LHFPL2: variants seen among roughly 807,000 people sequenced by gnomAD.
LHFPL2 encodes LHFPL tetraspan subfamily member 2 protein.
Under a neutral mutation model 17.5 loss-of-function variants are expected in LHFPL2, and 7 were observed. The ratio of observed to expected loss-of-function variants is 0.40; its 90% CI spans 0.23 to 0.75. LHFPL2 has a LOEUF of 0.75. LHFPL2 is among the 30% of genes least tolerant of loss of function. The pLI, the probability that LHFPL2 is intolerant of heterozygous loss-of-function variation, is 0.37. For synonymous variants in LHFPL2, 134 were observed against 116.2 expected (o/e 1.15, Z -0.99); for missense variants, 241 against 294.8 (o/e 0.82, Z 1.34).
chr5:78,510,636 G>GGCGGCCAGTGAGA lies in LHFPL2; in HGVS notation c.-185-239_-185-238insTCTCACTGGCCGC, dbSNP rs1260221050. 1.7e-3 allele frequency among the ~76,000 whole-genome samples: 263 copies of GGCGGCCAGTGAGA among 152,252 alleles called. 2 individuals are homozygous for GGCGGCCAGTGAGA. Among genetic ancestry groups the GGCGGCCAGTGAGA allele is most frequent in the Non-Finnish European group, 2.8e-3 (188 of 68,002 alleles). On this transcript the variant is annotated intron_variant, in intron 3 of 4. Coordinates refer to ENST00000380345, the MANE Select transcript of LHFPL2 (RefSeq NM_005779.3). ...TTATCTCTAGGGAGCACCATGGAAG[G>GGCGGCCAGTGAGA]AGGCGGCCAGTGCCAGGTCCTGCTC...
chr5:78,519,328 A>G (rs1755380930), intron 3 of LHFPL2, among the ~76,000 whole-genome samples: 2 of 152,192 alleles, frequency 1.3e-5, no homozygotes, highest in African/African-American at 2.4e-5. Flanking sequence ...AGCCCTGATC[A>G]CTGCAGAGCA....
chr5:78,492,089 A>T (rs1754465558), intron 4 of LHFPL2, among the ~76,000 whole-genome samples: 1 of 152,170 alleles, frequency 6.6e-6, no homozygotes, highest in Admixed American at 6.5e-5. Flanking sequence ...GGATGTTAAT[A>T]GTCTTCTCCC....
chr5:78,533,875 C>T (rs151214546), intron 3 of LHFPL2, among the ~76,000 whole-genome samples: 9 of 152,310 alleles, frequency 5.9e-5, no homozygotes, highest in African/African-American at 2.2e-4. Flanking sequence ...TAAACCATTG[C>T]TCTAAGAAAG....
At position 78,589,358 on chromosome 5, in the gene LHFPL2, C is replaced by T. The variant is rs554468597; in HGVS notation, c.-244-24487G>A. ...TGGTGGCACGCGCCTGTAATTCCAG[C>T]TACTCGGGAGGCTAAGGAGGAGAAT... is the stretch of plus-strand genomic sequence containing the variant. On this transcript the variant is annotated intron_variant, in intron 2 of 4. Transcript: ENST00000380345. 2.6e-5 allele frequency among the ~76,000 whole-genome samples: 4 copies of T among 151,678 alleles called. No individual in the cohort carries two copies. In the East Asian group the frequency reaches 7.8e-4, roughly 29 times the overall value.
In LHFPL2 at chr5:78,642,319, G is replaced by T. The variant is rs573168406; in HGVS notation, c.-350+6180C>A. On this transcript the variant is annotated intron_variant, in intron 1 of 4. Transcript: ENST00000380345. ...CAAATATTCAGTCCTTAACAGACAC[G>T]TGTATGGTATCAATTTTGTCAGTTA... Among the ~76,000 whole-genome samples the T allele has an allele frequency of 1.6e-4, 24 of 152,252 alleles. No homozygotes were observed. In the South Asian group the frequency reaches 4.6e-3, roughly 29 times the overall value.
At chr5:78,544,598 CT>C (rs911450366) in intron 3 of LHFPL2, among the ~76,000 whole-genome samples, 2 of 152,202 alleles carry the variant, frequency 1.3e-5, no homozygotes, top group African/African-American at 4.8e-5. Flanking sequence ...TTGTCTGAAT[CT>C]TCAAGTAGCT....
intron 1 of LHFPL2, among the ~76,000 whole-genome samples, chr5:78,634,117 C>T (rs768476191): frequency 1.3e-5 from 2 of 152,188 alleles, no homozygotes; most frequent in Non-Finnish European, 2.9e-5. Context: ...TTACCCCTCC[C>T]CCCAAAAAAA....
intron 3 of LHFPL2, among the ~76,000 whole-genome samples, chr5:78,536,594 C>G (rs1755957198): frequency 1.3e-5 from 2 of 152,176 alleles, no homozygotes; most frequent in African/African-American, 4.8e-5. Flanking sequence ...ACATCTGGGC[C>G]ATTCTTCTGC....
In LHFPL2 at chr5:78,491,688, C is replaced by T. The variant is rs767289948; in HGVS notation, c.431-2535G>A. Among the ~76,000 whole-genome samples, 13 of 152,140 alleles carry T rather than the reference C, an allele frequency of 8.5e-5. No homozygotes were observed. In the East Asian group the frequency reaches 9.6e-4, roughly 11 times the overall value. ...CTGTATGAGCTGAGTGACCGACATA[C>T]GATTCCTCACCTGTAAAATGGACTA... On this transcript the variant is annotated intron_variant, in intron 4 of 4. Coordinates refer to ENST00000380345, the MANE Select transcript of LHFPL2 (RefSeq NM_005779.3).
At chr5:78,558,298 G>A (rs755738647) in intron 3 of LHFPL2, among the ~76,000 whole-genome samples, 1 of 152,206 alleles carries the variant, frequency 6.6e-6, no homozygotes, top group Non-Finnish European at 1.5e-5. Flanking sequence ...CCCAGTGTAC[G>A]CTCATTCATC....
chr5:78,556,628 A>G (rs1756578310), intron 3 of LHFPL2, among the ~76,000 whole-genome samples: 1 of 152,236 alleles, frequency 6.6e-6, no homozygotes, highest in Admixed American at 6.5e-5. Flanking sequence ...CTCAAATGTC[A>G]AAATTAGAAA....
chr5:78,610,653 A>G (rs1223758818), intron 2 of LHFPL2, among the ~76,000 whole-genome samples: 2 of 152,222 alleles, frequency 1.3e-5, no homozygotes, highest in Non-Finnish European at 2.9e-5. Context: ...AAAGTGTGCC[A>G]TCAGTAGTCC....
chr5:78,584,009 C>T (rs563623335), intron 2 of LHFPL2, among the ~76,000 whole-genome samples: 2 of 151,942 alleles, frequency 1.3e-5, no homozygotes, highest in African/African-American at 4.8e-5. Flanking sequence ...TCTAAACTTC[C>T]CTTCTCACTT....
chr5:78,586,024 G>A (rs1743380282), intron 2 of LHFPL2, among the ~76,000 whole-genome samples: 1 of 152,144 alleles, frequency 6.6e-6, no homozygotes, highest in Non-Finnish European at 1.5e-5. Flanking sequence ...GTCTCTAAAG[G>A]GCTTGAGGAT....
At chr5:78,510,779 C>A (rs1042009019) in intron 3 of LHFPL2, among the ~76,000 whole-genome samples, 18 of 152,236 alleles carry the variant, frequency 1.2e-4, no homozygotes, top group African/African-American at 4.1e-4. Flanking sequence ...GGAGGCAAGA[C>A]TGGCAATCAA....
chr5:78,511,356 C>T (rs546206470), intron 3 of LHFPL2, among the ~76,000 whole-genome samples: 53 of 152,344 alleles, frequency 3.5e-4, no homozygotes, highest in Non-Finnish European at 1.5e-4. Flanking sequence ...TCTGTCTCCA[C>T]GGAGGAATGA....
At chr5:78,637,886 C>T (rs757327265) in intron 1 of LHFPL2, among the ~76,000 whole-genome samples, 7 of 152,138 alleles carry the variant, frequency 4.6e-5, no homozygotes, top group Non-Finnish European at 1.0e-4. Context: ...GGGACTTCTA[C>T]CCACAACTCT....
intron 3 of LHFPL2, among the ~76,000 whole-genome samples, chr5:78,557,598 G>A (rs1484000046): frequency 3.3e-5 from 5 of 152,216 alleles, no homozygotes. Context: ...AGTCAAAGTT[G>A]CCTTCATTAC....
At chr5:78,489,253 G>A (rs1201955555) in intron 4 of LHFPL2, 100 bp from the exon 5 acceptor site, 25 of 1,336,454 alleles carry the variant, frequency 1.9e-5, no homozygotes, top group Middle Eastern at 2.2e-4. Context: ...TTGGGCAAGG[G>A]CATCTATTCT....
Sources: allele counts gnomAD v4.1 joint callset (sites outside exome capture counted in the v4.1 genomes callset), GRCh38; gene constraint gnomAD v4.1.1; transcripts MANE v1.5; gene names NCBI Gene and HGNC (gene_info 2026-07-23, HGNC 2026-07-21).